HEATR4: variants seen among roughly 807,000 people sequenced by gnomAD.
HEATR4 encodes the protein HEAT repeat-containing protein 4.
HEATR4 carries 95 observed loss-of-function variants against 108.8 expected under a neutral mutation model. The ratio of observed to expected loss-of-function variants is 0.87; its 90% confidence interval spans 0.74 to 1.04. HEATR4 has a LOEUF of 1.04. HEATR4 is among the 50% of genes least tolerant of loss of function. The pLI is 0.00. For missense variants in HEATR4, 1,152 were observed against 1,253.8 expected (o/e 0.92, Z 1.23); for synonymous variants, 443 against 459.4 (o/e 0.96, Z 0.46).
chr14:73,525,647 G>C (rs981340163), intron 2 of HEATR4, among the ~76,000 whole-genome samples: 14 of 152,082 alleles, frequency 9.2e-5, no homozygotes, highest in African/African-American at 3.4e-4. Context: ...CTGAACAACT[G>C]TCCCCACAAG....
chr14:73,499,105 ATC>A lies in HEATR4; in HGVS notation c.2320_2321del (p.Asp774SerfsTer34), dbSNP rs762524136. The A allele has an allele frequency of 1.2e-5, 19 of 1,614,186 alleles. No individual in the cohort carries two copies. In the South Asian group the frequency reaches 1.5e-4, roughly 13 times the overall value. On this transcript the variant is annotated frameshift_variant, in exon 13 of 18. Transcript: ENST00000553558. LOFTEE classifies it high-confidence loss of function. ...CAAAGGCCTTGATTTTCCAGTAAGG[ATC>A]TCTCTGCATCAGGTTCAGGAGGCAT... is the stretch of plus-strand genomic sequence containing the variant. ...LECLLNLMQR[D>X]PYWKIKAFAI... is the part of the protein sequence containing the mutation.
intron 3 of HEATR4, among the ~76,000 whole-genome samples, 165 bp downstream of exon 3, chr14:73,522,107 T>C (rs1566840327): frequency 6.6e-6 from 1 of 152,154 alleles, no homozygotes; most frequent in Non-Finnish European, 1.5e-5. Flanking sequence ...GCAGTGCAAA[T>C]TGAGAAACCT....
At chr14:73,567,606 C>G in the HEATR4 span, 1 of 152,086 alleles carries the variant, frequency 6.6e-6, no homozygotes, top group African/African-American at 2.4e-5. Flanking sequence ...CTGGTCACCC[C>G]AGCTAGTAGT....
intron 2 of HEATR4, among the ~76,000 whole-genome samples, chr14:73,524,378 A>T (rs12435949): frequency 0.058 from 8,246 of 141,616 alleles, 277 homozygotes; most frequent in Middle Eastern, 0.11. Context: ...AATGGTTTTG[A>T]CTCTTCATGA....
chr14:73,522,092 T>C (rs923547531), intron 3 of HEATR4, among the ~76,000 whole-genome samples, 180 bp downstream of exon 3: 3 of 152,204 alleles, frequency 2.0e-5, no homozygotes, highest in African/African-American at 7.2e-5. Context: ...CAACCCAGAA[T>C]GTCAGCAGTG....
intron 11 of HEATR4, among the ~76,000 whole-genome samples, chr14:73,501,559 GTC>G (rs1397305490): frequency 7.0e-6 from 1 of 141,872 alleles, no homozygotes; most frequent in Admixed American, 7.0e-5. Context: ...CTCCTATGCA[GTC>G]TCTCTCTCTT....
At chr14:73,588,835 G>A in the HEATR4 span, among the ~76,000 whole-genome samples, 1 of 152,064 alleles carries the variant, frequency 6.6e-6, no homozygotes, top group African/African-American at 2.4e-5. Flanking sequence ...TTAAGGAACA[G>A]GGACATGAAC....
chr14:73,604,164 C>CTTTTTTTTTTTTT, the HEATR4 span, among the ~76,000 whole-genome samples: 13 of 120,780 alleles, frequency 1.1e-4, 1 homozygote, highest in Admixed American at 5.0e-4. Context: ...TTGCTAATTT[C>CTTTTTTTTTTTTT]TTTTTTTTTT....
Position 73,512,016 on chromosome 14 carries a change from C to T in HEATR4, c.1548G>A (p.Gln516=), listed in dbSNP as rs374739725. 3.7e-6 allele frequency: 6 copies of T among 1,613,880 alleles called. No individual in the cohort carries two copies. Among genetic ancestry groups the T allele is most frequent in the Non-Finnish European group, 5.1e-6 (6 of 1,179,930 alleles). The change falls in exon 7 of 18, where the codon CAG becomes CAA. Residue 516 remains glutamine (Q), a synonymous_variant. Transcript: ENST00000553558. ...AGCTTTGGCTCTCACCTGAGTCTCT[C>T]TGGCTGGTGGCAATCCGGGGCCGTT... is the stretch of plus-strand genomic sequence containing the variant. ...ALERPRIATS[Q]RDSDKTIQDL... is the part of the protein sequence containing the mutation.
At chr14:73,619,882 C>A in the HEATR4 span, 3 of 1,500,402 alleles carry the variant, frequency 2.0e-6, no homozygotes, top group African/African-American at 1.4e-5. Context: ...AAATCCTATT[C>A]ATACAACTTG....
chr14:73,621,128 G>C, the HEATR4 span, among the ~76,000 whole-genome samples: 1 of 151,994 alleles, frequency 6.6e-6, no homozygotes. Context: ...CAGGAGAATT[G>C]CTTGAACTCA....
the HEATR4 span, among the ~76,000 whole-genome samples, chr14:73,621,307 C>T: frequency 6.6e-6 from 1 of 152,162 alleles, no homozygotes; most frequent in East Asian, 1.9e-4. Flanking sequence ...TTCCCAGTCA[C>T]TATATGGTCA....
the HEATR4 span, among the ~76,000 whole-genome samples, chr14:73,602,420 T>C: frequency 1.3e-5 from 2 of 152,190 alleles, no homozygotes; most frequent in African/African-American, 2.4e-5. Flanking sequence ...TGAGGTTATT[T>C]ACTGGGACAT....
chr14:73,559,640 G>C (rs1318112969), upstream of HEATR4, among the ~76,000 whole-genome samples: 1 of 151,988 alleles, frequency 6.6e-6, no homozygotes, highest in African/African-American at 2.4e-5. Context: ...TACTCGGGAG[G>C]CTGAGGCAGG....
Position 73,521,090 on chromosome 14 carries a change from TC to T in HEATR4, c.882-52del, listed in dbSNP as rs1193578719. ...AAAGGGGGAAAGAGTAGGAGGTGGA[TC>T]CCCCTTTCCATTAAATCCACAGCTC... On this transcript the variant is annotated intron_variant, in intron 3 of 17. Coordinates refer to ENST00000553558, the MANE Select transcript of HEATR4 (RefSeq NM_001220484.1). 9 of 1,473,592 alleles carry T rather than the reference TC, an allele frequency of 6.1e-6. No homozygotes were observed. In the African/African-American group the frequency reaches 9.8e-5, roughly 16 times the overall value. The allele number at this position is 1,473,592 out of a possible 1,614,324, so 91.3% of individuals were successfully genotyped here.
At chr14:73,503,461 C>T (rs911474651) in intron 10 of HEATR4, among the ~76,000 whole-genome samples, 2 of 152,150 alleles carry the variant, frequency 1.3e-5, no homozygotes, top group African/African-American at 4.8e-5. Context: ...TCTATAAGTG[C>T]ACTTCTCTCA....
chr14:73,584,454 A>C, the HEATR4 span, among the ~76,000 whole-genome samples: 1 of 151,416 alleles, frequency 6.6e-6, no homozygotes, highest in Non-Finnish European at 1.5e-5. Flanking sequence ...CACTGGTAAC[A>C]ACCCCAGCCC....
At chr14:73,573,032 A>C in the HEATR4 span, among the ~76,000 whole-genome samples, 1 of 151,612 alleles carries the variant, frequency 6.6e-6, no homozygotes, top group Non-Finnish European at 1.5e-5. Context: ...ATTCAGAATG[A>C]GTAGCCTTTT....
chr14:73,633,184 T>C, the HEATR4 span, among the ~76,000 whole-genome samples: 2 of 152,096 alleles, frequency 1.3e-5, no homozygotes, highest in Admixed American at 1.3e-4. Flanking sequence ...TTTGAATTTT[T>C]AGTAGAGATT....
Sources: allele counts gnomAD v4.1 joint callset (sites outside exome capture counted in the v4.1 genomes callset), GRCh38; gene constraint gnomAD v4.1.1; transcripts MANE v1.5; gene names NCBI Gene and HGNC (gene_info 2026-07-23, HGNC 2026-07-21).